The following NCOA3 variants were observed in gnomAD, a reference collection of about 807,000 sequenced individuals.
NCOA3 encodes nuclear receptor coactivator 3, also known as CBP-interacting protein.
NCOA3 carries 51 observed loss-of-function variants against 158.8 expected under a neutral mutation model. The ratio of observed to expected loss-of-function variants is 0.32; its 90% CI spans 0.26 to 0.41. The LOEUF (loss-of-function observed/expected upper bound fraction) is 0.41, where lower values mean the gene tolerates loss of function less well. NCOA3 is among the 10% of genes least tolerant of loss of function. The probability of loss-of-function intolerance (pLI) is 1.00; values close to 1 mark genes in which losing one functional copy is unlikely to be tolerated. For missense variants in NCOA3, 1,510 were observed against 1,746.6 expected, an observed-to-expected ratio of 0.86 and a Z score of 2.41; for synonymous variants, 537 against 592.4, an observed-to-expected ratio of 0.91 and a Z score of 1.36.
At chr20:47,584,362 G>A (rs2085500785) in intron 2 of NCOA3, among the ~76,000 whole-genome samples, 1 of 152,132 alleles carries the variant, frequency 6.6e-6, no homozygotes, top group South Asian at 2.1e-4. Flanking sequence ...GCGCATGCCT[G>A]TAATCCCAGC....
chr20:47,653,805 A>C lies in NCOA3; in HGVS notation c.*388A>C, dbSNP rs1009532830. 1 of 230,222 alleles carries C rather than the reference A, an allele frequency of 4.3e-6. No homozygotes were observed. The allele number at this position is 230,222 out of a possible 1,614,324, so 14.3% of individuals were successfully genotyped here. A position where few individuals can be genotyped will look rare whatever the true frequency, so the allele number is the denominator to read the frequency against. Reference sequence around the variant, plus strand: ...CAGAGAACATTGGAAGAATCAAGAGAGATTAGAATATCTGGTTTCTCTAGT... The same window carrying C: ...CAGAGAACATTGGAAGAATCAAGAGCGATTAGAATATCTGGTTTCTCTAGT... On this transcript the variant is annotated 3_prime_UTR_variant, in exon 23 of 23. Transcript: ENST00000371998.
intron 13 of NCOA3, among the ~76,000 whole-genome samples, chr20:47,638,408 TCAAA>T (rs985177724): frequency 2.0e-5 from 3 of 152,118 alleles, no homozygotes; most frequent in East Asian, 1.9e-4. Context: ...AGACTCCGTC[TCAAA>T]CAAACAGACA....
chr20:47,571,316 C>CT (rs2085291089), intron 1 of NCOA3, among the ~76,000 whole-genome samples: 1 of 148,500 alleles, frequency 6.7e-6, no homozygotes, highest in Admixed American at 6.7e-5. Context: ...ATTTTCTTTT[C>CT]TTTCTTTTTT....
intron 8 of NCOA3, chr20:47,628,595 A>G (rs967424688): frequency 2.6e-5 from 4 of 152,224 alleles, no homozygotes; most frequent in African/African-American, 9.7e-5. Context: ...TATTTTTAGT[A>G]GAGATGGGGT....
intron 1 of NCOA3, among the ~76,000 whole-genome samples, chr20:47,518,545 C>T (rs1162468272): frequency 1.3e-5 from 2 of 151,286 alleles, no homozygotes; most frequent in East Asian, 2.0e-4. Context: ...CCTGCCTCAG[C>T]CTCCCGAGTA....
intron 1 of NCOA3, among the ~76,000 whole-genome samples, chr20:47,518,908 G>C (rs1286286078): frequency 6.6e-6 from 1 of 152,082 alleles, no homozygotes; most frequent in Non-Finnish European, 1.5e-5. Context: ...GGCCGAGGTG[G>C]GTGGATCACT....
At position 47,622,235 on chromosome 20, in the gene NCOA3, A is replaced by T. The variant is rs191579689; in HGVS notation, c.-13A>T. The T allele has an allele frequency of 3.2e-6, 5 of 1,542,734 alleles. No individual in the cohort carries two copies. The African/African-American group carries it at 5.5e-5, about 17-fold the overall frequency. ...TCTCATTATTCTCTCTTAGTTGCTG[A>T]TGTATATTCAAGATGAGTGGATTAG... is the stretch of plus-strand genomic sequence containing the variant. On this transcript the variant is annotated 5_prime_UTR_variant, in exon 3 of 23. The change abolishes an upstream ATG in the 5' untranslated region. Coordinates refer to ENST00000371998, the MANE Select transcript of NCOA3 (RefSeq NM_181659.3).
intron 13 of NCOA3, 54 bp from the exon 14 acceptor site, chr20:47,638,954 G>T: frequency 2.1e-6 from 3 of 1,413,076 alleles, no homozygotes; most frequent in South Asian, 3.0e-5. Flanking sequence ...TTTTGTACTT[G>T]ATTATTTATA....
At chr20:47,518,818 C>G (rs969902152) in intron 1 of NCOA3, among the ~76,000 whole-genome samples, 2 of 152,100 alleles carry the variant, frequency 1.3e-5, no homozygotes, top group South Asian at 2.1e-4. Context: ...AGTACTGACT[C>G]ACATGCACAC....
Position 47,636,776 on chromosome 20 carries a change from T to C in NCOA3, c.2376+14T>C, listed in dbSNP as rs746183488. 1 of 1,576,984 alleles carries C rather than the reference T, an allele frequency of 6.3e-7. No homozygotes were observed. Among genetic ancestry groups the C allele is most frequent in the Middle Eastern group, 1.7e-4 (1 of 5,874 alleles). ...ACAAGTGAAGAGGTAATTTGTTTTC[T>C]GTATATTTCAGCTCATATTTCATCA... On this transcript the variant is annotated intron_variant, in intron 12 of 22. Coordinates refer to ENST00000371998, the MANE Select transcript of NCOA3 (RefSeq NM_181659.3).
intron 1 of NCOA3, among the ~76,000 whole-genome samples, chr20:47,514,068 T>C (rs2084190727): frequency 6.6e-6 from 1 of 152,168 alleles, no homozygotes; most frequent in African/African-American, 2.4e-5. Context: ...CTGATAACTT[T>C]TAAATTGATC....
intron 10 of NCOA3, 144 bp from the exon 11 acceptor site, chr20:47,635,178 C>T: frequency 1.3e-6 from 1 of 746,504 alleles, no homozygotes; most frequent in African/African-American, 1.8e-5. Flanking sequence ...ATCCTCCTGC[C>T]TCAGCTTCCC....
chr20:47,593,823 TATAAG>T (rs1369494473), intron 2 of NCOA3, among the ~76,000 whole-genome samples: 6 of 152,200 alleles, frequency 3.9e-5, no homozygotes, highest in African/African-American at 1.4e-4. Context: ...GTTAGAACCT[TATAAG>T]ATAATTAGTA....
intron 8 of NCOA3, among the ~76,000 whole-genome samples, chr20:47,632,341 A>G (rs6018602): frequency 0.13 from 19,780 of 147,670 alleles, 1,887 homozygotes; most frequent in African/African-American, 0.26. Flanking sequence ...ACCTTAATGT[A>G]CTCATCCTTT....
intron 1 of NCOA3, among the ~76,000 whole-genome samples, chr20:47,539,201 C>G (rs1568665176): frequency 6.6e-6 from 1 of 152,078 alleles, no homozygotes; most frequent in Non-Finnish European, 1.5e-5. Context: ...TCCTGTAGTC[C>G]CAGCTACTTG....
chr20:47,600,331 C>T (rs1275347672), intron 2 of NCOA3, among the ~76,000 whole-genome samples: 6 of 151,616 alleles, frequency 4.0e-5, no homozygotes, highest in Non-Finnish European at 7.4e-5. Context: ...CCCACCACCA[C>T]GCCCAGCTAA....
Position 47,637,745 on chromosome 20 carries a change from G to T in NCOA3, c.2474G>T (p.Gly825Val). 6.2e-7 allele frequency: 1 copy of T among 1,610,964 alleles called. No individual in the cohort carries two copies. ...NSISSNGSHL[G>V]TKQQVFQGTN... ...ATATCCTCAAATGGTAGTCATCTGG[G>T]GACTAAGCAACAGGTGTTTCAAGGA... is the stretch of plus-strand genomic sequence containing the variant. The change falls in exon 13 of 23, where the codon GGG (glycine) becomes GTG (valine). Residue 825 changes from glycine (G) to valine (V), a missense_variant. By Grantham distance (109) the Gly-to-Val change is moderately radical. Transcript: ENST00000371998.
In NCOA3 at chr20:47,650,950, T is replaced by G. The variant is rs932873632; in HGVS notation, c.3652-32T>G. On this transcript the variant is annotated intron_variant, in intron 19 of 22. Coordinates refer to ENST00000371998, the MANE Select transcript of NCOA3 (RefSeq NM_181659.3). ...ATGCAACTGGCAGGTTCTTGCTATA[T>G]ATATGTAATTGCACTCTTTCTTGGG... The G allele has an allele frequency of 5.0e-6, 8 of 1,599,396 alleles. No individual in the cohort carries two copies. In the East Asian group the frequency reaches 1.8e-4, roughly 36 times the overall value.
rs1043019925 is a variant in NCOA3, at chr20:47,656,849, G to A, written c.*3432G>A. ...TTTGCTGACCATTTTGGATGTCATTGTAAATAAAGGTTTCTATTTAAAATT... is the reference window on the plus strand; with the variant it reads ...TTTGCTGACCATTTTGGATGTCATTATAAATAAAGGTTTCTATTTAAAATT... On this transcript the variant is annotated 3_prime_UTR_variant, in exon 23 of 23. Transcript: ENST00000371998. 4 of 142,170 alleles carry A rather than the reference G, an allele frequency of 2.8e-5. No homozygotes were observed. The allele number at this position is 142,170 out of a possible 1,614,324, so 8.8% of individuals were successfully genotyped here. A position where few individuals can be genotyped will look rare whatever the true frequency, so the allele number is the denominator to read the frequency against.
Sources: allele counts gnomAD v4.1 joint callset (sites outside exome capture counted in the v4.1 genomes callset), GRCh38; gene constraint gnomAD v4.1.1; transcripts MANE v1.5; gene names NCBI Gene and HGNC (gene_info 2026-07-23, HGNC 2026-07-21).